The following ZMAT4 variants were observed in gnomAD, a reference collection of about 807,000 sequenced individuals.
ZMAT4 encodes zinc finger matrin-type 4, also known as zinc finger matrin-type protein 4.
A neutral mutation model predicts 28.7 loss-of-function variants in ZMAT4; 17 were observed. That is an observed-to-expected ratio of 0.59 (90% CI 0.41 to 0.89). ZMAT4 has a LOEUF of 0.89. Among genes scored for constraint, ZMAT4 ranks in the 40% least tolerant of loss-of-function variants. ZMAT4 has a pLI of 0.00. For synonymous variants in ZMAT4, 117 were observed against 109.2 expected (o/e 1.07, Z -0.44); for missense variants, 240 against 283.8 (o/e 0.85, Z 1.11).
intron 5 of ZMAT4, among the ~76,000 whole-genome samples, chr8:40,599,943 G>A (rs1478079227): frequency 1.3e-5 from 2 of 152,156 alleles, no homozygotes; most frequent in Non-Finnish European, 2.9e-5. Flanking sequence ...CTTTCATCAA[G>A]CAGAGTGTGG....
At chr8:40,534,932 C>T (rs1425144252) in intron 6 of ZMAT4, among the ~76,000 whole-genome samples, 1 of 152,128 alleles carries the variant, frequency 6.6e-6, no homozygotes, top group Non-Finnish European at 1.5e-5. Flanking sequence ...ATCCACCCAA[C>T]TCAGCCTCCC....
At position 40,697,415 on chromosome 8, in the gene ZMAT4, A is replaced by C; in HGVS notation, c.193-14T>G. The C allele has an allele frequency of 3.9e-6, 6 of 1,549,898 alleles. No homozygotes were observed. Among genetic ancestry groups the C allele is most frequent in the Non-Finnish European group, 5.2e-6 (6 of 1,143,664 alleles). On this transcript the variant is annotated splice_polypyrimidine_tract_variant and intron_variant, in intron 3 of 6. Transcript: ENST00000297737. ...GGCATCACTTCCCTGCGCAGGGAGA[A>C]AGAAAGGCCACGTGTGAGAGAAACC... is the stretch of plus-strand genomic sequence containing the variant.
At chr8:40,881,069 C>G (rs1471133279) in intron 1 of ZMAT4, among the ~76,000 whole-genome samples, 1 of 152,092 alleles carries the variant, frequency 6.6e-6, no homozygotes, top group Non-Finnish European at 1.5e-5. Context: ...TTTATGTAAG[C>G]CTTGATTGAA....
At chr8:40,697,735 G>A (rs1371379853) in intron 3 of ZMAT4, among the ~76,000 whole-genome samples, 3 of 101,792 alleles carry the variant, frequency 2.9e-5, no homozygotes, top group South Asian at 3.1e-4. Context: ...GACCGGCCCC[G>A]GTGCAATCTC....
chr8:40,536,863 T>C (rs1431679161), intron 6 of ZMAT4, among the ~76,000 whole-genome samples: 1 of 151,812 alleles, frequency 6.6e-6, no homozygotes, highest in Non-Finnish European at 1.5e-5. Context: ...GGTGTCTTGC[T>C]TCTGAAAAGG....
At chr8:40,789,759 G>C (rs939122315) in intron 2 of ZMAT4, among the ~76,000 whole-genome samples, 23 of 152,158 alleles carry the variant, frequency 1.5e-4, no homozygotes. Flanking sequence ...GTAGCAATCA[G>C]CCTGGGAAGC....
At chr8:40,851,299 G>A (rs1330814584) in intron 1 of ZMAT4, among the ~76,000 whole-genome samples, 1 of 152,158 alleles carries the variant, frequency 6.6e-6, no homozygotes, top group Non-Finnish European at 1.5e-5. Context: ...TTGCTCTCCA[G>A]CCTGAGTGAT....
chr8:40,665,860 G>A lies in ZMAT4; in HGVS notation c.577+8844C>T, dbSNP rs1210306089. On this transcript the variant is annotated intron_variant, in intron 5 of 6. Coordinates refer to ENST00000297737, the MANE Select transcript of ZMAT4 (RefSeq NM_024645.3). ...GCCTCAGAATCATTCTCTGTAAAAA[G>A]AAGGGATATAATTCAATGATATTGA... is the stretch of plus-strand genomic sequence containing the variant. Among the ~76,000 whole-genome samples the A allele has an allele frequency of 3.9e-5, 6 of 152,242 alleles. No homozygotes were observed. The East Asian group carries it at 1.2e-3, about 29-fold the overall frequency.
intron 3 of ZMAT4, among the ~76,000 whole-genome samples, chr8:40,734,759 A>C (rs1159597481): frequency 2.0e-5 from 3 of 152,202 alleles, no homozygotes; most frequent in African/African-American, 7.2e-5. Flanking sequence ...AATATGACTT[A>C]AGGCTGTTTT....
chr8:40,663,179 G>T (rs2599665), intron 5 of ZMAT4, among the ~76,000 whole-genome samples: 3 of 152,092 alleles, frequency 2.0e-5, no homozygotes, highest in Admixed American at 6.6e-5. Flanking sequence ...CTGAATGCTA[G>T]TTATGATCAC....
intron 6 of ZMAT4, among the ~76,000 whole-genome samples, chr8:40,567,098 AC>A (rs1450064933): frequency 1.3e-5 from 2 of 152,182 alleles, no homozygotes; most frequent in Non-Finnish European, 2.9e-5. Flanking sequence ...AAGAGAAAAG[AC>A]AGATATATCT....
In ZMAT4 at chr8:40,630,493, A is replaced by G. The variant is rs115242048; in HGVS notation, c.577+44211T>C. Among the ~76,000 whole-genome samples the G allele has an allele frequency of 3.1e-3, 477 of 152,336 alleles. 2 individuals are homozygous for G. The highest frequency in any genetic ancestry group is 0.011 in the African/African-American group (454 of 41,580). Reference sequence around the variant, plus strand: ...AACTCACACAACCAAACCGTGGGGAACTTAGAATTTAAGCATGGACATCAT... The same window carrying G: ...AACTCACACAACCAAACCGTGGGGAGCTTAGAATTTAAGCATGGACATCAT... On this transcript the variant is annotated intron_variant, in intron 5 of 6. Coordinates refer to ENST00000297737, the MANE Select transcript of ZMAT4 (RefSeq NM_024645.3).
chr8:40,675,384 C>CA lies in ZMAT4; in HGVS notation c.350-454dup, dbSNP rs1275780570. 1.7e-3 allele frequency among the ~76,000 whole-genome samples: 254 copies of CA among 152,188 alleles called. 3 individuals carry two copies. Among genetic ancestry groups the CA allele is most frequent in the African/African-American group, 5.8e-3 (242 of 41,550 alleles). On this transcript the variant is annotated intron_variant, in intron 4 of 6. Coordinates refer to ENST00000297737, the MANE Select transcript of ZMAT4 (RefSeq NM_024645.3). ...TAGAGAAAAAAAATGTAGTAAAATA[C>CA]AGGGGACAAGCTCAATGAGCCAGGT...
chr8:40,532,632 T>C (rs904915094), intron 6 of ZMAT4, among the ~76,000 whole-genome samples: 1 of 152,182 alleles, frequency 6.6e-6, no homozygotes, highest in Admixed American at 6.5e-5. Flanking sequence ...TTACAGTGGC[T>C]AAATTTCAAA....
Position 40,581,113 on chromosome 8 carries a change from T to C in ZMAT4, c.674+52A>G, listed in dbSNP as rs926289276. The stretch of plus-strand genomic sequence containing the variant: ...TGAAATGTTGAGCCTTTAGTCATCT[T>C]ACTAAAAATTACATCGAAGAAACTG... On this transcript the variant is annotated intron_variant, in intron 6 of 6. Coordinates refer to ENST00000297737, the MANE Select transcript of ZMAT4 (RefSeq NM_024645.3). The C allele has an allele frequency of 2.1e-6, 3 of 1,435,596 alleles. No homozygotes were observed. The African/African-American group carries it at 4.2e-5, about 20-fold the overall frequency. The allele number at this position is 1,435,596 out of a possible 1,614,324, so 88.9% of individuals were successfully genotyped here.
At chr8:40,606,367 G>A (rs2118638205) in intron 5 of ZMAT4, among the ~76,000 whole-genome samples, 1 of 152,224 alleles carries the variant, frequency 6.6e-6, no homozygotes, top group South Asian at 2.1e-4. Context: ...TTGTAGAGCT[G>A]GCTTGGTAGT....
rs1284025871 is a variant in ZMAT4 at position 40,838,641 on chromosome 8, C to T, written c.-4-12961G>A. ...GTGAACTATTGGTGTCTTCAACCAT[C>T]CTGCCCACCTACCATGGCCAGACTG... On this transcript the variant is annotated intron_variant, in intron 1 of 6. Coordinates refer to ENST00000297737, the MANE Select transcript of ZMAT4 (RefSeq NM_024645.3). 2.0e-5 allele frequency among the ~76,000 whole-genome samples: 3 copies of T among 152,182 alleles called. No individual in the cohort carries two copies. In the East Asian group the frequency reaches 5.8e-4, roughly 29 times the overall value.
intron 5 of ZMAT4, among the ~76,000 whole-genome samples, chr8:40,642,024 TA>T (rs1227296578): frequency 5.9e-5 from 9 of 152,174 alleles, no homozygotes; most frequent in African/African-American, 2.2e-4. Flanking sequence ...TTTAAACTTT[TA>T]AAGATATTTA....
At chr8:40,697,062 G>T in intron 4 of ZMAT4, 183 bp downstream of exon 4, 1 of 560,648 alleles carries the variant, frequency 1.8e-6, no homozygotes, top group Non-Finnish European at 3.0e-6. Context: ...ACCTGAAATG[G>T]TATTTAGGGG....
Sources: allele counts gnomAD v4.1 joint callset (sites outside exome capture counted in the v4.1 genomes callset), GRCh38; gene constraint gnomAD v4.1.1; transcripts MANE v1.5; gene names NCBI Gene and HGNC (gene_info 2026-07-23, HGNC 2026-07-21).